Variants in PCDHGA8 observed in about 807,000 individuals in gnomAD.
The protein encoded by PCDHGA8 is protocadherin gamma subfamily A, 8.
Under a neutral mutation model 59.2 loss-of-function variants are expected in PCDHGA8, and 45 were observed. The observed-to-expected ratio is 0.76, with a 90% CI of 0.60 to 0.98. The LOEUF is 0.98. Among genes scored for constraint, PCDHGA8 ranks in the 50% least tolerant of loss-of-function variants. The pLI is 0.00. For missense variants in PCDHGA8, 1,257 were observed against 1,196.2 expected, an observed-to-expected ratio of 1.05 and a Z score of -0.75; for synonymous variants, 531 against 519.0, an observed-to-expected ratio of 1.02 and a Z score of -0.32.
rs375516156 is a variant in PCDHGA8 at position 141,510,311 on chromosome 5, C to G, written c.2573-636C>G. Among the ~76,000 whole-genome samples, 70 of 151,056 alleles carry G rather than the reference C, an allele frequency of 4.6e-4. No homozygotes were observed. The South Asian group carries it at 0.014, about 31-fold the overall frequency. On this transcript the variant is annotated intron_variant, in intron 3 of 3. Transcript: ENST00000398604. The stretch of plus-strand genomic sequence containing the variant: ...AAAAAATGCTGTTTTGAAATGGAGG[C>G]TTGGAAGAGCACTCTTCACCCCCAC...
Position 141,489,730 on chromosome 5 carries a change from A to G in PCDHGA8, c.2425-5077A>G. The stretch of plus-strand genomic sequence containing the variant: ...CAGTGCCCAGGATCCGGATGTGGGC[A>G]CCAATACTGTGAGCTTTTACACTCT... On this transcript the variant is annotated intron_variant, in intron 1 of 3. Coordinates refer to ENST00000398604, the MANE Select transcript of PCDHGA8 (RefSeq NM_032088.2). This position sits in a 1 kb window ranked among gnomAD's most constrained non-coding sequence, Gnocchi z 4.5. 6.2e-7 allele frequency: 1 copy of G among 1,614,182 alleles called. No homozygotes were observed. Among genetic ancestry groups the G allele is most frequent in the Non-Finnish European group, 8.5e-7 (1 of 1,180,020 alleles).
chr5:141,436,414 A>G (rs1459862288), intron 1 of PCDHGA8, among the ~76,000 whole-genome samples: 1 of 152,234 alleles, frequency 6.6e-6, no homozygotes, highest in East Asian at 1.9e-4. Flanking sequence ...ATGAATGGAT[A>G]AACAAATAAT....
chr5:141,446,458 G>A (rs2098502933), intron 1 of PCDHGA8, among the ~76,000 whole-genome samples: 1 of 151,662 alleles, frequency 6.6e-6, no homozygotes, highest in African/African-American at 2.4e-5. Flanking sequence ...TATTCAGTGT[G>A]TGATTAGACA....
rs1419365808 is a variant in PCDHGA8 at position 141,477,321 on chromosome 5, C to G, written c.2425-17486C>G. 1.2e-6 allele frequency: 2 copies of G among 1,614,160 alleles called. No homozygotes were observed. Among genetic ancestry groups the G allele is most frequent in the East Asian group, 4.5e-5 (2 of 44,874 alleles). On this transcript the variant is annotated intron_variant, in intron 1 of 3. Coordinates refer to ENST00000398604, the MANE Select transcript of PCDHGA8 (RefSeq NM_032088.2). The surrounding 1 kb of genome is among the most constrained non-coding windows in gnomAD (Gnocchi z 4.9). Reference sequence around the variant, plus strand: ...GGTCTCCCTTTCAGCCTTACTTCTTCCCTCAAGAATTACTTCACTTTGAAA... The same window carrying G: ...GGTCTCCCTTTCAGCCTTACTTCTTGCCTCAAGAATTACTTCACTTTGAAA...
rs1432960207 is a variant in PCDHGA8, at chr5:141,477,648, C to A, written c.2425-17159C>A. On this transcript the variant is annotated intron_variant, in intron 1 of 3. Coordinates refer to ENST00000398604, the MANE Select transcript of PCDHGA8 (RefSeq NM_032088.2). This position sits in a 1 kb window ranked among gnomAD's most constrained non-coding sequence, Gnocchi z 4.9. ...ACCGGGCTAGTGGGTCGCTATTTCA[C>A]AATAAATCGTGACAATGGCATAGTG... is the stretch of plus-strand genomic sequence containing the variant. 7 of 1,614,046 alleles carry A rather than the reference C, an allele frequency of 4.3e-6. No homozygotes were observed. Among genetic ancestry groups the A allele is most frequent in the Non-Finnish European group, 5.9e-6 (7 of 1,180,044 alleles).
At chr5:141,421,520 A>G (rs749034718) in intron 1 of PCDHGA8, 2 of 1,614,068 alleles carry the variant, frequency 1.2e-6, no homozygotes, top group Non-Finnish European at 8.5e-7. Flanking sequence ...GAGCTCTGTG[A>G]GACGGTGTCC....
At chr5:141,398,916 A>G (rs2150766485) in intron 1 of PCDHGA8, 1 of 1,614,022 alleles carries the variant, frequency 6.2e-7, no homozygotes, top group Non-Finnish European at 8.5e-7. Context: ...CTGTGTTGCA[A>G]GTGTCAGCCA....
chr5:141,420,683 G>A (rs1308504595), intron 1 of PCDHGA8, among the ~76,000 whole-genome samples: 1 of 152,190 alleles, frequency 6.6e-6, no homozygotes, highest in Non-Finnish European at 1.5e-5. Context: ...ATTTTATCGG[G>A]ACCGTATTAT....
chr5:141,468,067 G>A (rs560511893), intron 1 of PCDHGA8, among the ~76,000 whole-genome samples: 34 of 152,032 alleles, frequency 2.2e-4, no homozygotes, highest in Non-Finnish European at 4.0e-4. Flanking sequence ...GCTCACACCT[G>A]TAATCCCAGC....
intron 1 of PCDHGA8, chr5:141,424,569 C>A (rs1436039976): frequency 6.6e-6 from 1 of 151,996 alleles, no homozygotes; most frequent in African/African-American, 2.4e-5. Flanking sequence ...TCTCAAAAAC[C>A]TATTTTCAAA....
chr5:141,470,550 A>G (rs899475300), intron 1 of PCDHGA8, among the ~76,000 whole-genome samples: 1 of 152,120 alleles, frequency 6.6e-6, no homozygotes, highest in Non-Finnish European at 1.5e-5. Flanking sequence ...ATTTATTGAG[A>G]GTTTCCTCTG....
chr5:141,443,235 C>G (rs1182428300), intron 1 of PCDHGA8, among the ~76,000 whole-genome samples: 2 of 151,642 alleles, frequency 1.3e-5, no homozygotes, highest in East Asian at 1.9e-4. Flanking sequence ...AATCTTAGCA[C>G]TTTGGGGCGC....
rs762200805 is a variant in PCDHGA8 at position 141,423,045 on chromosome 5, C to T, written c.2424+27808C>T. 8 of 1,614,210 alleles carry T rather than the reference C, an allele frequency of 5.0e-6. No homozygotes were observed. The East Asian group carries it at 1.8e-4, about 36-fold the overall frequency. ...ATTCAGGCCAGAACGCCTGGCTGTCCTATCGCCTGCTTAAGGCCAGCGAGC... is the reference window on the plus strand; with the variant it reads ...ATTCAGGCCAGAACGCCTGGCTGTCTTATCGCCTGCTTAAGGCCAGCGAGC... On this transcript the variant is annotated intron_variant, in intron 1 of 3. Transcript: ENST00000398604.
chr5:141,463,125 G>A (rs2099053159), intron 1 of PCDHGA8, among the ~76,000 whole-genome samples: 3 of 152,192 alleles, frequency 2.0e-5, no homozygotes, highest in East Asian at 1.9e-4. Context: ...ATAGCTCCCT[G>A]GCAGTTCTTC....
intron 1 of PCDHGA8, among the ~76,000 whole-genome samples, chr5:141,470,591 G>A (rs1271473509): frequency 1.3e-5 from 2 of 152,132 alleles, no homozygotes; most frequent in African/African-American, 4.8e-5. Flanking sequence ...ATAGGCAGGC[G>A]ACCTGTGCGG....
intron 1 of PCDHGA8, among the ~76,000 whole-genome samples, chr5:141,484,821 G>A (rs1367529999): frequency 6.6e-6 from 1 of 152,122 alleles, no homozygotes; most frequent in Admixed American, 6.5e-5. Context: ...CGTTGAGCGG[G>A]AGGAAGGCGA....
intron 1 of PCDHGA8, chr5:141,426,347 T>C (rs977411941): frequency 5.2e-6 from 1 of 193,980 alleles, no homozygotes; most frequent in African/African-American, 2.3e-5. Context: ...TTCCCTTTCC[T>C]GCTGCCTTTG....
intron 1 of PCDHGA8, among the ~76,000 whole-genome samples, chr5:141,467,211 C>G (rs1288732759): frequency 6.6e-6 from 1 of 152,068 alleles, no homozygotes; most frequent in Non-Finnish European, 1.5e-5. Context: ...TGCCACCATG[C>G]CTGGCTAATT....
chr5:141,494,878 T>A lies in PCDHGA8; in HGVS notation c.2483+13T>A. Reference sequence around the variant, plus strand: ...CCGGCACCAGCGGGTAGGTGACTGATTCTCCAGCCCACCCTCTTCTCTGCG... The same window carrying A: ...CCGGCACCAGCGGGTAGGTGACTGAATCTCCAGCCCACCCTCTTCTCTGCG... On this transcript the variant is annotated intron_variant, in intron 2 of 3. Coordinates refer to ENST00000398604, the MANE Select transcript of PCDHGA8 (RefSeq NM_032088.2). The A allele has an allele frequency of 6.2e-7, 1 of 1,614,072 alleles. No homozygotes were observed. The highest frequency in any genetic ancestry group is 8.5e-7 in the Non-Finnish European group (1 of 1,179,986).
Sources: allele counts gnomAD v4.1 joint callset (sites outside exome capture counted in the v4.1 genomes callset), GRCh38; gene constraint gnomAD v4.1.1; non-coding constraint Gnocchi (gnomAD v3.1); transcripts MANE v1.5; gene names NCBI Gene and HGNC (gene_info 2026-07-23, HGNC 2026-07-21).